Variants in LAMP1 observed in about 807,000 individuals in gnomAD.
LAMP1 encodes the protein lysosome associated membrane protein 1.
In LAMP1, 7 loss-of-function variants were observed where a neutral mutation model predicts 37.5. That is an observed-to-expected ratio of 0.19 (90% CI 0.11 to 0.35). The LOEUF (loss-of-function observed/expected upper bound fraction) is 0.35, where lower values mean the gene tolerates loss of function less well. Among genes scored for constraint, LAMP1 ranks in the 10% least tolerant of loss-of-function variants. LAMP1 has a pLI of 1.00. For missense variants in LAMP1, 537 were observed against 552.8 expected, an observed-to-expected ratio of 0.97 and a Z score of 0.29; for synonymous variants, 236 against 229.1, an observed-to-expected ratio of 1.03 and a Z score of -0.27.
In LAMP1 at chr13:113,319,554, C is replaced by T. The variant is rs1487061283; in HGVS notation, c.648C>T (p.Ser216=). ...PSPSPSPVPK[S]PSVDKYNVSG... is the part of the protein sequence containing the mutation. The stretch of plus-strand genomic sequence containing the variant: ...CCTCGCCCTCACCCGTGCCCAAGAG[C>T]CCCTCTGTGGACAAGTACAACGTGA... The change falls in exon 5 of 9, where the codon AGC becomes AGT. Residue 216 remains serine, a synonymous_variant. Transcript: ENST00000332556. 3 of 1,614,012 alleles carry T rather than the reference C, an allele frequency of 1.9e-6. No individual in the cohort carries two copies. The highest frequency in any genetic ancestry group is 2.2e-5 in the East Asian group (1 of 44,878).
rs150479578 is a variant in LAMP1, at chr13:113,300,140, C to T, written c.61+2645C>T. ...AAACCATTGATGTCAGCAGGATGAC[C>T]GCCTTACCCTTTCCACTTGAACAAC... On this transcript the variant is annotated intron_variant, in intron 1 of 8. Transcript: ENST00000332556. Among the ~76,000 whole-genome samples, 253 of 152,204 alleles carry T rather than the reference C, an allele frequency of 1.7e-3. 1 individual carries two copies. The highest frequency in any genetic ancestry group is 5.9e-3 in the African/African-American group (247 of 41,538).
In LAMP1 at chr13:113,297,597, G is replaced by T. The variant is rs1196268009; in HGVS notation, c.61+102G>T. On this transcript the variant is annotated intron_variant, in intron 1 of 8. Coordinates refer to ENST00000332556, the MANE Select transcript of LAMP1 (RefSeq NM_005561.4). This position sits in a 1 kb window ranked among gnomAD's most constrained non-coding sequence, Gnocchi z 4.4. ...CTGCCGGGTCGTTGTCCCGCGGGTC[G>T]CCCCGCACCCACTGCTCCTGGTCCC... 2.7e-6 allele frequency: 3 copies of T among 1,099,910 alleles called. No homozygotes were observed. The highest frequency in any genetic ancestry group is 3.7e-5 in the East Asian group (1 of 27,158). The allele number at this position is 1,099,910 out of a possible 1,614,324, so 68.1% of individuals were successfully genotyped here. A position where few individuals can be genotyped will look rare whatever the true frequency, so the allele number is the denominator to read the frequency against.
chr13:113,302,901 C>CTATG lies in LAMP1; in HGVS notation c.62-3584_62-3583insTATG, dbSNP rs2042581324. 1.2e-4 allele frequency among the ~76,000 whole-genome samples: 19 copies of CTATG among 152,240 alleles called. 1 individual carries two copies. Among genetic ancestry groups the CTATG allele is most frequent in the Middle Eastern group, 3.4e-3 (1 of 294 alleles). ...GTTGACCTCTCTATGCCTTAATCTC[C>CTATG]CTATGAAGAGTTGTCATGATAACTG... On this transcript the variant is annotated intron_variant, in intron 1 of 8. Coordinates refer to ENST00000332556, the MANE Select transcript of LAMP1 (RefSeq NM_005561.4).
chr13:113,307,719 CT>C (rs1445164022), intron 2 of LAMP1, among the ~76,000 whole-genome samples: 1 of 148,542 alleles, frequency 6.7e-6, no homozygotes, highest in African/African-American at 2.5e-5. Flanking sequence ...CTTTGTGTTT[CT>C]TTGGGATGAC....
At chr13:113,317,586 T>A (rs2042673291) in intron 4 of LAMP1, among the ~76,000 whole-genome samples, 1 of 152,208 alleles carries the variant, frequency 6.6e-6, no homozygotes, top group South Asian at 2.1e-4. Context: ...TTTCTGTGCG[T>A]CGTGTGGCCA....
At position 113,321,967 on chromosome 13, in the gene LAMP1, CAG is replaced by C. The variant is rs1003126457; in HGVS notation, c.1114+241_1114+242del. 3 of 592,020 alleles carry C rather than the reference CAG, an allele frequency of 5.1e-6. No homozygotes were observed. Among genetic ancestry groups the C allele is most frequent in the African/African-American group, 1.9e-5 (1 of 53,730 alleles). The allele number at this position is 592,020 out of a possible 1,614,324, so 36.7% of individuals were successfully genotyped here. A position where few individuals can be genotyped will look rare whatever the true frequency, so the allele number is the denominator to read the frequency against. On this transcript the variant is annotated intron_variant, in intron 8 of 8. Coordinates refer to ENST00000332556, the MANE Select transcript of LAMP1 (RefSeq NM_005561.4). This position sits in a 1 kb window ranked among gnomAD's most constrained non-coding sequence, Gnocchi z 5.6. Reference sequence around the variant, plus strand: ...AGAGTAAGGGAATCATTTTAAGAAACAGTGGTGGCGCTTCTCCCATGAACGTT... The same window carrying C: ...AGAGTAAGGGAATCATTTTAAGAAACTGGTGGCGCTTCTCCCATGAACGTT...
chr13:113,319,509 G>A lies in LAMP1; in HGVS notation c.603G>A (p.Ala201=), dbSNP rs374933256. ...AAGACAGGCCTTCCCCAACCACAGC[G>A]CCCCCTGCGCCACCCAGCCCCTCGC... ...CEQDRPSPTT[A]PPAPPSPSPS... is the part of the protein sequence containing the mutation. Residue 201 remains alanine, a synonymous_variant, in exon 5 of 9, where the codon GCG becomes GCA. Coordinates refer to ENST00000332556, the MANE Select transcript of LAMP1 (RefSeq NM_005561.4). 40 of 1,613,552 alleles carry A rather than the reference G, an allele frequency of 2.5e-5. No individual in the cohort carries two copies. Among genetic ancestry groups the A allele is most frequent in the Non-Finnish European group, 3.0e-5 (35 of 1,179,844 alleles).
chr13:113,311,644 C>T (rs1017311788), intron 4 of LAMP1, among the ~76,000 whole-genome samples: 1 of 152,222 alleles, frequency 6.6e-6, no homozygotes, highest in Non-Finnish European at 1.5e-5. Flanking sequence ...ACCCAGCCGC[C>T]GGGCTCTGGG....
At chr13:113,313,722 G>A (rs557681318) in intron 4 of LAMP1, among the ~76,000 whole-genome samples, 2 of 126,874 alleles carry the variant, frequency 1.6e-5, no homozygotes, top group Non-Finnish European at 3.2e-5. Context: ...AGATGTCAGT[G>A]TGCCTGGGGT....
intron 4 of LAMP1, among the ~76,000 whole-genome samples, chr13:113,317,370 C>T (rs915900838): frequency 6.6e-6 from 1 of 152,182 alleles, no homozygotes; most frequent in African/African-American, 2.4e-5. Context: ...TGTGGGTTTG[C>T]GTTTGTAATT....
At position 113,322,035 on chromosome 13, in the gene LAMP1, C is replaced by T. The variant is rs771918161; in HGVS notation, c.1115-247C>T. 3.3e-5 allele frequency: 19 copies of T among 580,098 alleles called. No individual in the cohort carries two copies. The South Asian group carries it at 3.3e-4, about 10-fold the overall frequency. The allele number at this position is 580,098 out of a possible 1,614,324, so 35.9% of individuals were successfully genotyped here. A position where few individuals can be genotyped will look rare whatever the true frequency, so the allele number is the denominator to read the frequency against. On this transcript the variant is annotated intron_variant, in intron 8 of 8. Transcript: ENST00000332556. ...ATCTGATGTGCACAGAGGCCCTGGA[C>T]GCAGCACAGCTGTCCGGCCACAGCC... is the stretch of plus-strand genomic sequence containing the variant.
At chr13:113,310,903 G>A in intron 4 of LAMP1, 36 bp downstream of exon 4, 1 of 1,592,014 alleles carries the variant, frequency 6.3e-7, no homozygotes, top group Non-Finnish European at 8.6e-7. Flanking sequence ...GGTGCTAGTG[G>A]TTGGGTAGCT....
At chr13:113,310,654 T>C in intron 3 of LAMP1, 55 bp from the exon 4 acceptor site, 1 of 1,273,852 alleles carries the variant, frequency 7.9e-7, no homozygotes, top group Non-Finnish European at 1.1e-6. Flanking sequence ...AAAAAACACA[T>C]AAACTAAGTA....
Position 113,310,775 on chromosome 13 carries a change from G to T in LAMP1, c.470G>T (p.Ser157Ile). Residue 157 changes from serine (S) to isoleucine (I), a missense_variant, in exon 4 of 9, where the codon AGT becomes ATT. By Grantham distance (142) the Ser-to-Ile change is moderately radical. Coordinates refer to ENST00000332556, the MANE Select transcript of LAMP1 (RefSeq NM_005561.4). ...ATAGATAAAAAATACAGATGTGTTAGTGGCACCCAGGTCCACATGAACAAC... is the reference window on the plus strand; with the variant it reads ...ATAGATAAAAAATACAGATGTGTTATTGGCACCCAGGTCCACATGAACAAC... ...ADIDKKYRCVSGTQVHMNNVT... is the reference protein window; with the variant it reads ...ADIDKKYRCVIGTQVHMNNVT... The T allele has an allele frequency of 6.2e-7, 1 of 1,613,392 alleles. No homozygotes were observed. The highest frequency in any genetic ancestry group is 8.5e-7 in the Non-Finnish European group (1 of 1,179,716).
chr13:113,301,627 T>TA (rs1161593860), intron 1 of LAMP1, among the ~76,000 whole-genome samples: 4 of 9,394 alleles, frequency 4.3e-4, no homozygotes, highest in African/African-American at 1.1e-3. Flanking sequence ...TGTTTCCATT[T>TA]AAAAAAAAAA....
intron 1 of LAMP1, among the ~76,000 whole-genome samples, chr13:113,299,320 A>G (rs1170934330): frequency 5.3e-5 from 8 of 150,990 alleles, no homozygotes; most frequent in Non-Finnish European, 4.4e-5. Flanking sequence ...GCTGGAGTGC[A>G]GTGGCACAAC....
chr13:113,298,171 A>T (rs1295391334), intron 1 of LAMP1, among the ~76,000 whole-genome samples: 1 of 152,230 alleles, frequency 6.6e-6, no homozygotes, highest in African/African-American at 2.4e-5. Context: ...GGCAATGTTC[A>T]TGTCTAGTAA....
chr13:113,310,013 G>C (rs999107728), intron 3 of LAMP1, 151 bp downstream of exon 3: 1 of 642,570 alleles, frequency 1.6e-6, no homozygotes, highest in Admixed American at 2.8e-5. Context: ...CAGATCACTT[G>C]AGGTCAGGAG....
At position 113,320,725 on chromosome 13, in the gene LAMP1, G is replaced by T. The variant is rs183324296; in HGVS notation, c.876+255G>T. On this transcript the variant is annotated intron_variant, in intron 6 of 8. Transcript: ENST00000332556. This position sits in a 1 kb window ranked among gnomAD's most constrained non-coding sequence, Gnocchi z 4.4. Reference sequence around the variant, plus strand: ...GGCTGCAGGGGAGGGCATGCAGGCCGTGCGGCCTTCTGGCTTCAGATGCTG... The same window carrying T: ...GGCTGCAGGGGAGGGCATGCAGGCCTTGCGGCCTTCTGGCTTCAGATGCTG... 1 of 484,458 alleles carries T rather than the reference G, an allele frequency of 2.1e-6. No individual in the cohort carries two copies. Among genetic ancestry groups the T allele is most frequent in the African/African-American group, 1.9e-5 (1 of 52,264 alleles). 30.0% of individuals were successfully genotyped at this position (484,458 alleles called of 1,614,324 possible). A position where few individuals can be genotyped will look rare whatever the true frequency, so the allele number is the denominator to read the frequency against.
Sources: allele counts gnomAD v4.1 joint callset (sites outside exome capture counted in the v4.1 genomes callset), GRCh38; gene constraint gnomAD v4.1.1; non-coding constraint Gnocchi (gnomAD v3.1); transcripts MANE v1.5; gene names NCBI Gene and HGNC (gene_info 2026-07-23, HGNC 2026-07-21).